Variants in CHAT observed in about 807,000 individuals in gnomAD.
CHAT encodes the protein choline O-acetyltransferase, also known as acetyl CoA:choline O-acetyltransferase.
A neutral mutation model predicts 76.9 loss-of-function variants in CHAT; 61 were observed. The observed-to-expected ratio is 0.79, with a 90% CI of 0.65 to 0.98. The LOEUF is 0.98. Among genes scored for constraint, CHAT ranks in the 50% least tolerant of loss-of-function variants. The pLI is 0.00. For synonymous variants in CHAT, 407 were observed against 397.4 expected (o/e 1.02, Z -0.29); for missense variants, 946 against 986.9 (o/e 0.96, Z 0.56).
At chr10:49,617,665 G>T (rs1302449436) in intron 2 of CHAT, among the ~76,000 whole-genome samples, 1 of 152,198 alleles carries the variant, frequency 6.6e-6, no homozygotes, top group Non-Finnish European at 1.5e-5. Context: ...AGCCAGACTT[G>T]TGGGCCCTTT....
At chr10:49,656,959 C>T (rs1377337033) in intron 13 of CHAT, among the ~76,000 whole-genome samples, 2 of 152,040 alleles carry the variant, frequency 1.3e-5, no homozygotes, top group African/African-American at 4.8e-5. Flanking sequence ...CTCTGAAACC[C>T]TCCAAAAACA....
intron 13 of CHAT, among the ~76,000 whole-genome samples, chr10:49,656,856 AG>A (rs939994205): frequency 6.6e-6 from 1 of 151,936 alleles, no homozygotes; most frequent in African/African-American, 2.4e-5. Flanking sequence ...GGAGTAGGAC[AG>A]GGGCAGGGTG....
rs542141588 is a variant in CHAT, at chr10:49,616,411, G to A, written c.287-91G>A. ...TGTCAGGCTCTGGCCTCCTCATGGGGCTGGGGTGGGGGTCTGTTGGCGGGA... is the reference window on the plus strand; with the variant it reads ...TGTCAGGCTCTGGCCTCCTCATGGGACTGGGGTGGGGGTCTGTTGGCGGGA... On this transcript the variant is annotated intron_variant, in intron 1 of 14. Coordinates refer to ENST00000337653, the MANE Select transcript of CHAT (RefSeq NM_020549.5). 4 of 998,242 alleles carry A rather than the reference G, an allele frequency of 4.0e-6. 1 individual carries two copies. In the South Asian group the frequency reaches 5.5e-5, roughly 14 times the overall value. 61.8% of individuals were successfully genotyped at this position (998,242 alleles called of 1,614,324 possible). A position where few individuals can be genotyped will look rare whatever the true frequency, so the allele number is the denominator to read the frequency against.
chr10:49,664,463 G>A (rs770750958), intron 14 of CHAT, among the ~76,000 whole-genome samples: 3 of 152,106 alleles, frequency 2.0e-5, no homozygotes, highest in African/African-American at 4.8e-5. Flanking sequence ...GATTGCCTCC[G>A]TGCCTCAAAT....
At chr10:49,652,333 C>T (rs780650657) in intron 11 of CHAT, among the ~76,000 whole-genome samples, 1 of 152,090 alleles carries the variant, frequency 6.6e-6, no homozygotes, top group African/African-American at 2.4e-5. Context: ...CCCAACTTCC[C>T]CCATCTCACC....
intron 7 of CHAT, among the ~76,000 whole-genome samples, chr10:49,637,133 A>G (rs1470681433): frequency 6.7e-6 from 1 of 149,448 alleles, no homozygotes; most frequent in African/African-American, 2.5e-5. Flanking sequence ...TTTCAACTGT[A>G]TTGATTTCTG....
At position 49,648,482 on chromosome 10, in the gene CHAT, G is replaced by T; in HGVS notation, c.1282-25G>T. 2 of 1,594,616 alleles carry T rather than the reference G, an allele frequency of 1.3e-6. 1 individual carries two copies. Among genetic ancestry groups the T allele is most frequent in the South Asian group, 2.2e-5 (2 of 90,230 alleles). The stretch of plus-strand genomic sequence containing the variant: ...TTGCAATGCTGACTCTCCCATGATC[G>T]CCCACTCCCTCTTTCCTGTTGCAGT... On this transcript the variant is annotated intron_variant, in intron 8 of 14. Coordinates refer to ENST00000337653, the MANE Select transcript of CHAT (RefSeq NM_020549.5).
At position 49,667,100 on chromosome 10, in the gene CHAT, G is replaced by C. The variant is rs1221446892; in HGVS notation, c.*2054G>C. 1.3e-5 allele frequency among the ~76,000 whole-genome samples: 2 copies of C among 152,208 alleles called. No individual in the cohort carries two copies. Among genetic ancestry groups the C allele is most frequent in the Non-Finnish European group, 2.9e-5 (2 of 68,038 alleles). On this transcript the variant is annotated 3_prime_UTR_variant, in exon 15 of 15. Coordinates refer to ENST00000337653, the MANE Select transcript of CHAT (RefSeq NM_020549.5). ...CCCACTTGCAAGACTATGAGGATTGGAGAGCATGTGTGTCAAGGACCTTGC... is the reference window on the plus strand; with the variant it reads ...CCCACTTGCAAGACTATGAGGATTGCAGAGCATGTGTGTCAAGGACCTTGC...
At chr10:49,610,645 A>T, upstream of CHAT, 1 of 1,273,624 alleles carries the variant, frequency 7.9e-7, no homozygotes, top group Non-Finnish European at 1.0e-6. Flanking sequence ...CGGCCAGGAC[A>T]GCCTCCCCGA....
At chr10:49,618,227 A>G (rs1230206154) in intron 2 of CHAT, among the ~76,000 whole-genome samples, 5 of 152,352 alleles carry the variant, frequency 3.3e-5, no homozygotes, top group Non-Finnish European at 7.3e-5. Flanking sequence ...TCCGGAGATC[A>G]GCTAGATTCT....
At chr10:49,623,472 T>A (rs1175977976) in intron 5 of CHAT, among the ~76,000 whole-genome samples, 1 of 152,200 alleles carries the variant, frequency 6.6e-6, no homozygotes, top group Non-Finnish European at 1.5e-5. Flanking sequence ...CACTTTGCAA[T>A]GTAGTTATGC....
Position 49,619,851 on chromosome 10 carries a change from C to T in CHAT, c.514C>T (p.Pro172Ser), listed in dbSNP as rs769800832. 6.2e-7 allele frequency: 1 copy of T among 1,613,612 alleles called. No homozygotes were observed. The highest frequency in any genetic ancestry group is 8.5e-7 in the Non-Finnish European group (1 of 1,179,864). The change falls in exon 3 of 15, where the codon CCT becomes TCT. Residue 172 changes from proline (P) to serine (S), a missense_variant. Around this residue, in one of 3 missense-constraint regions of CHAT, gnomAD observed 548 missense variants for 516.2 expected, o/e 1.06. Coordinates refer to ENST00000337653, the MANE Select transcript of CHAT (RefSeq NM_020549.5). ...GGCCATTGTGCAGCAGTTTGGGGCCCCTGGTGGCCTCGGCGAGACCCTGCA... is the reference window on the plus strand; with the variant it reads ...GGCCATTGTGCAGCAGTTTGGGGCCTCTGGTGGCCTCGGCGAGACCCTGCA... Reference protein sequence around the residue: ...SQAIVQQFGAPGGLGETLQQK... With the variant: ...SQAIVQQFGASGGLGETLQQK...
chr10:49,613,599 T>C (rs567579999), upstream of CHAT, among the ~76,000 whole-genome samples: 3 of 152,312 alleles, frequency 2.0e-5, no homozygotes, highest in East Asian at 5.8e-4. Context: ...GTCCTCGATC[T>C]GCGAGTCGGG....
chr10:49,627,625 TGTC>T lies in CHAT; in HGVS notation c.952_954del (p.Val318del), dbSNP rs1365906194. On this transcript the variant is annotated inframe_deletion, in exon 7 of 15. Transcript: ENST00000337653. ...CCCCACAGTTCTTTGTCTTGGATGT[TGTC>T]ATTAATTTCCGCCGTCTCAGTGAGG... 6.2e-7 allele frequency: 1 copy of T among 1,614,142 alleles called. No individual in the cohort carries two copies. Among genetic ancestry groups the T allele is most frequent in the Admixed American group, 1.7e-5 (1 of 60,022 alleles).
At chr10:49,622,011 A>ACGG in intron 4 of CHAT, 86 bp from the exon 5 acceptor site, 3 of 1,468,764 alleles carry the variant, frequency 2.0e-6, no homozygotes, top group African/African-American at 1.4e-5. Context: ...AGGAAGAGGG[A>ACGG]AGGAGGGAGG....
chr10:49,629,825 C>T (rs1049442487), intron 7 of CHAT, among the ~76,000 whole-genome samples: 1 of 152,236 alleles, frequency 6.6e-6, no homozygotes, highest in Non-Finnish European at 1.5e-5. Flanking sequence ...CCCCCCTCCC[C>T]AGAGCAGCCC....
upstream of CHAT, chr10:49,612,418 C>T: frequency 7.1e-7 from 1 of 1,410,388 alleles, no homozygotes; most frequent in Non-Finnish European, 9.6e-7. Context: ...CCAGCTCTGG[C>T]TCAGGGCCCA....
chr10:49,610,630 C>G (rs1000230060), upstream of CHAT: 44 of 1,144,814 alleles, frequency 3.8e-5, no homozygotes, highest in Non-Finnish European at 5.2e-5. Context: ...ACAGGGGAGT[C>G]TGCTCGGCCA....
At chr10:49,632,789 T>C (rs1839169546) in intron 7 of CHAT, among the ~76,000 whole-genome samples, 1 of 152,224 alleles carries the variant, frequency 6.6e-6, no homozygotes, top group African/African-American at 2.4e-5. Flanking sequence ...CCCAGGCTGC[T>C]TAGCCTGACC....
Sources: allele counts gnomAD v4.1 joint callset (sites outside exome capture counted in the v4.1 genomes callset), GRCh38; gene constraint gnomAD v4.1.1; regional missense constraint gnomAD v4.1.1; transcripts MANE v1.5; gene names NCBI Gene and HGNC (gene_info 2026-07-23, HGNC 2026-07-21).